The following AKAP19 variants were observed in gnomAD, a reference collection of about 807,000 sequenced individuals.
AKAP19 encodes A-kinase anchoring protein 19.
chr2:190,187,209 T>C, the AKAP19 span, among the ~76,000 whole-genome samples: 33 of 152,298 alleles, frequency 2.2e-4, no homozygotes, highest in African/African-American at 7.0e-4. Flanking sequence ...TTTTTTTATA[T>C]ATTTACATTA....
chr2:190,019,546 T>C, the AKAP19 span, among the ~76,000 whole-genome samples: 1 of 152,004 alleles, frequency 6.6e-6, no homozygotes, highest in Non-Finnish European at 1.5e-5. Flanking sequence ...TGCTGGCAGG[T>C]ACACAGAGCT....
chr2:189,949,564 C>A, the AKAP19 span, among the ~76,000 whole-genome samples: 2 of 146,814 alleles, frequency 1.4e-5, no homozygotes, highest in Admixed American at 1.4e-4. Context: ...CAGTTCAAAT[C>A]TGTGTTATTC....
chr2:190,182,802 G>A, the AKAP19 span, among the ~76,000 whole-genome samples: 14 of 152,330 alleles, frequency 9.2e-5, no homozygotes, highest in African/African-American at 3.1e-4. Flanking sequence ...GTGCTTTGCT[G>A]TCAAGCAAAG....
At chr2:190,006,156 A>T in the AKAP19 span, among the ~76,000 whole-genome samples, 3 of 152,190 alleles carry the variant, frequency 2.0e-5, no homozygotes, top group Admixed American at 2.0e-4. Flanking sequence ...TGAGTAATTG[A>T]TCTGTGAAAA....
chr2:189,901,527 G>A, the AKAP19 span, among the ~76,000 whole-genome samples: 22 of 151,956 alleles, frequency 1.4e-4, no homozygotes, highest in Non-Finnish European at 2.9e-4. Flanking sequence ...TAGTAAAGAC[G>A]GGGTTTCATC....
the AKAP19 span, chr2:190,201,898 T>C: frequency 6.0e-6 from 1 of 166,980 alleles, no homozygotes; most frequent in Non-Finnish European, 1.5e-5. Context: ...AAAGCCTAGG[T>C]GTGGTTGTTT....
the AKAP19 span, among the ~76,000 whole-genome samples, chr2:190,192,066 CTTGT>C: frequency 6.6e-6 from 1 of 151,656 alleles, no homozygotes; most frequent in Non-Finnish European, 1.5e-5. Context: ...GTTTTGTCTT[CTTGT>C]TTTATAGTTT....
chr2:189,952,861 G>A, the AKAP19 span, among the ~76,000 whole-genome samples: 1 of 152,178 alleles, frequency 6.6e-6, no homozygotes, highest in African/African-American at 2.4e-5. Flanking sequence ...TAATGATCAT[G>A]AATCTTCTTT....
the AKAP19 span, among the ~76,000 whole-genome samples, chr2:190,006,747 G>A: frequency 4.6e-5 from 7 of 151,986 alleles, no homozygotes; most frequent in South Asian, 6.2e-4. Flanking sequence ...GGCCAGGCGC[G>A]GTGGCTCACG....
chr2:189,934,687 A>AT, the AKAP19 span, among the ~76,000 whole-genome samples: 2 of 151,162 alleles, frequency 1.3e-5, no homozygotes, highest in South Asian at 2.1e-4. Context: ...CCCCTTTTTA[A>AT]TTTTTTTCTA....
chr2:190,094,748 C>A, the AKAP19 span, among the ~76,000 whole-genome samples: 1 of 152,112 alleles, frequency 6.6e-6, no homozygotes, highest in East Asian at 1.9e-4. Flanking sequence ...AGCATTATAT[C>A]CAAGTCATGT....
At chr2:190,126,706 C>G in the AKAP19 span, among the ~76,000 whole-genome samples, 5 of 151,382 alleles carry the variant, frequency 3.3e-5, no homozygotes, top group African/African-American at 1.2e-4. Flanking sequence ...AAACATAAAG[C>G]AAATAGATTT....
the AKAP19 span, among the ~76,000 whole-genome samples, chr2:189,909,407 T>C: frequency 6.6e-6 from 1 of 152,054 alleles, no homozygotes; most frequent in Non-Finnish European, 1.5e-5. Flanking sequence ...GTTTTCTGGC[T>C]GTTTTGTAGA....
the AKAP19 span, among the ~76,000 whole-genome samples, chr2:190,193,442 CTCTT>C: frequency 4.6e-5 from 7 of 152,200 alleles, no homozygotes; most frequent in East Asian, 5.8e-4. Context: ...TCTTTCTTTC[CTCTT>C]TCTCTCTTTT....
At chr2:190,145,831 A>ATGTG in the AKAP19 span, among the ~76,000 whole-genome samples, 10 of 148,266 alleles carry the variant, frequency 6.7e-5, no homozygotes, top group African/African-American at 2.2e-4. Context: ...ATATATATGT[A>ATGTG]TATGTATGTG....
chr2:189,932,772 T>G, the AKAP19 span, among the ~76,000 whole-genome samples: 1 of 152,168 alleles, frequency 6.6e-6, no homozygotes, highest in Non-Finnish European at 1.5e-5. Flanking sequence ...ATCCTAGATT[T>G]GACCAGTGAG....
chr2:190,159,876 GCTGT>G, the AKAP19 span, among the ~76,000 whole-genome samples: 1 of 152,304 alleles, frequency 6.6e-6, no homozygotes, highest in South Asian at 2.1e-4. Context: ...TTTTGAAACT[GCTGT>G]CTTTGTATCT....
chr2:190,097,060 C>A, the AKAP19 span, among the ~76,000 whole-genome samples: 2 of 152,094 alleles, frequency 1.3e-5, no homozygotes, highest in Non-Finnish European at 2.9e-5. Context: ...TTCCAAGTCT[C>A]AAAATTTTTT....
At chr2:190,012,428 T>A in the AKAP19 span, among the ~76,000 whole-genome samples, 1 of 152,264 alleles carries the variant, frequency 6.6e-6, no homozygotes, top group African/African-American at 2.4e-5. Flanking sequence ...AATAGTTTGT[T>A]GTTAGTGTAT....
Sources: allele counts gnomAD v4.1 joint callset (sites outside exome capture counted in the v4.1 genomes callset), GRCh38; gene constraint gnomAD v4.1.1; transcripts MANE v1.5; gene names NCBI Gene and HGNC (gene_info 2026-07-23, HGNC 2026-07-21).